The following PTGR1 variants were observed in gnomAD, a reference collection of about 807,000 sequenced individuals.
PTGR1 encodes 15-oxoprostaglandin 13-reductase.
In PTGR1, 23 loss-of-function variants were observed where a neutral mutation model predicts 37.7. The ratio of observed to expected loss-of-function variants is 0.61; its 90% CI spans 0.44 to 0.86. The LOEUF is 0.86. Among genes scored for constraint, PTGR1 ranks in the 40% least tolerant of loss-of-function variants. The probability of loss-of-function intolerance (pLI) is 0.00; values close to 1 mark genes in which losing one functional copy is unlikely to be tolerated. For synonymous variants in PTGR1, 134 were observed against 140.0 expected, an observed-to-expected ratio of 0.96 and a Z score of 0.30; for missense variants, 351 against 394.3, an observed-to-expected ratio of 0.89 and a Z score of 0.93.
At chr9:111,596,449 A>T (rs1829782302) in intron 2 of PTGR1, among the ~76,000 whole-genome samples, 1 of 151,906 alleles carries the variant, frequency 6.6e-6, no homozygotes, top group South Asian at 2.1e-4. Flanking sequence ...CCCCGTCTCT[A>T]CTAAAAATGC....
At position 111,562,912 on chromosome 9, in the gene PTGR1, A is replaced by T; in HGVS notation, c.*209T>A. 7.4e-7 allele frequency: 1 copy of T among 1,346,680 alleles called. No homozygotes were observed. The highest frequency in any genetic ancestry group is 9.6e-7 in the Non-Finnish European group (1 of 1,041,108). The allele number at this position is 1,346,680 out of a possible 1,614,324, so 83.4% of individuals were successfully genotyped here. A position where few individuals can be genotyped will look rare whatever the true frequency, so the allele number is the denominator to read the frequency against. ...CCACAACTCAGAAGAAGCTGTAGTG[A>T]ACAGTGAGGTGACTGGTTGTTGTTG... On this transcript the variant is annotated 3_prime_UTR_variant, in exon 10 of 10. Coordinates refer to ENST00000407693, the MANE Select transcript of PTGR1 (RefSeq NM_001146108.2).
downstream of PTGR1, among the ~76,000 whole-genome samples, chr9:111,561,110 T>TATATATAG (rs1457364862): frequency 9.4e-4 from 18 of 19,198 alleles, no homozygotes; most frequent in Admixed American, 1.2e-3. Flanking sequence ...TATATATATA[T>TATATATAG]AGAGAGAGAG....
intron 9 of PTGR1, among the ~76,000 whole-genome samples, chr9:111,568,426 C>CTGG (rs1458599962): frequency 5.9e-5 from 9 of 152,298 alleles, no homozygotes; most frequent in Admixed American, 3.3e-4. Flanking sequence ...TGTGGTCAGA[C>CTGG]TGGTTCTCTG....
At position 111,576,499 on chromosome 9, in the gene PTGR1, G is replaced by A. The variant is rs943869869; in HGVS notation, c.652-1657C>T. On this transcript the variant is annotated intron_variant, in intron 7 of 9. Coordinates refer to ENST00000407693, the MANE Select transcript of PTGR1 (RefSeq NM_001146108.2). ...CTGCAGTGCAGTTCAAGAGGCTCTG[G>A]TTCGGGGAAGAGCTGGATGGAGTAT... The A allele has an allele frequency of 2.5e-6, 4 of 1,572,692 alleles. No individual in the cohort carries two copies. The African/African-American group carries it at 5.4e-5, about 21-fold the overall frequency.
At chr9:111,569,697 G>A (rs1198801946) in intron 9 of PTGR1, among the ~76,000 whole-genome samples, 7 of 152,150 alleles carry the variant, frequency 4.6e-5, no homozygotes, top group African/African-American at 9.7e-5. Context: ...CCCAGGAGGC[G>A]GAGGTTGCCG....
rs570451196 is a variant in PTGR1, at chr9:111,589,100, A to G, written c.210-2935T>C. Among the ~76,000 whole-genome samples, 8 of 152,334 alleles carry G rather than the reference A, an allele frequency of 5.3e-5. No homozygotes were observed. The East Asian group carries it at 1.5e-3, about 29-fold the overall frequency. ...CTTCCACTTCCACCATCAATGTATG[A>G]GTGTATTATCTCCATTACTATTATA... On this transcript the variant is annotated intron_variant, in intron 4 of 9. Coordinates refer to ENST00000407693, the MANE Select transcript of PTGR1 (RefSeq NM_001146108.2).
At chr9:111,550,405 T>G (rs1827905398) in intron 9 of PTGR1, among the ~76,000 whole-genome samples, 1 of 152,216 alleles carries the variant, frequency 6.6e-6, no homozygotes, top group Non-Finnish European at 1.5e-5. Flanking sequence ...TTGTCCACCC[T>G]GGCTGCAGCA....
chr9:111,551,994 T>G (rs554707720), intron 9 of PTGR1, among the ~76,000 whole-genome samples: 86 of 152,364 alleles, frequency 5.6e-4, no homozygotes, highest in African/African-American at 2.0e-3. Flanking sequence ...CTGTTTTATT[T>G]GTATTATGAA....
At chr9:111,556,414 T>C (rs1046743054) in intron 9 of PTGR1, among the ~76,000 whole-genome samples, 5 of 152,238 alleles carry the variant, frequency 3.3e-5, no homozygotes, top group African/African-American at 1.2e-4. Context: ...AGCTCCACTG[T>C]GTAGGGGGCT....
chr9:111,565,334 A>G (rs985259915), intron 9 of PTGR1, among the ~76,000 whole-genome samples: 2 of 152,210 alleles, frequency 1.3e-5, no homozygotes, highest in Admixed American at 6.5e-5. Context: ...TCTAGCCTCC[A>G]GAACTGTGAG....
chr9:111,570,153 A>G lies in PTGR1; in HGVS notation c.817T>C (p.Tyr273His). The G allele has an allele frequency of 6.2e-7, 1 of 1,614,132 alleles. No homozygotes were observed. Among genetic ancestry groups the G allele is most frequent in the Admixed American group, 1.7e-5 (1 of 60,022 alleles). ...QELRMEAFVV[Y>H]RWQGDARQKA... is the part of the protein sequence containing the mutation. ...TGGCGGGCATCTCCTTGCCAGCGGT[A>G]GACGACAAAAGCTTCCATGCGAAGC... is the stretch of plus-strand genomic sequence containing the variant. Residue 273 changes from tyrosine (Y) to histidine (H), a missense_variant, in exon 9 of 10, where the codon TAC becomes CAC. By Grantham distance (83) the Tyr-to-His change is moderately conservative (BLOSUM62 2). Coordinates refer to ENST00000407693, the MANE Select transcript of PTGR1 (RefSeq NM_001146108.2).
chr9:111,553,442 A>G (rs1564604322), intron 9 of PTGR1, among the ~76,000 whole-genome samples: 1 of 152,198 alleles, frequency 6.6e-6, no homozygotes, highest in African/African-American at 2.4e-5. Flanking sequence ...TCTGATTTAC[A>G]TAGGTATCAC....
chr9:111,567,706 G>T (rs1828626095), intron 9 of PTGR1, among the ~76,000 whole-genome samples: 1 of 152,146 alleles, frequency 6.6e-6, no homozygotes. Context: ...CATAAGAACG[G>T]CAGGATTTGA....
intron 4 of PTGR1, among the ~76,000 whole-genome samples, chr9:111,587,069 C>T (rs1829454389): frequency 6.6e-6 from 1 of 152,178 alleles, no homozygotes; most frequent in South Asian, 2.1e-4. Context: ...CCTGCCTTGG[C>T]CTCCCAAAGT....
chr9:111,574,543 T>C lies in PTGR1; in HGVS notation c.760+191A>G, dbSNP rs1188174253. The C allele has an allele frequency of 1.0e-5, 4 of 381,030 alleles. No homozygotes were observed. The East Asian group carries it at 1.4e-4, about 14-fold the overall frequency. 23.6% of individuals were successfully genotyped at this position (381,030 alleles called of 1,614,324 possible). ...TTTGTATTTTTTGTAGAGACGGCAT[T>C]TTGCCATGTTGCCCAGGATGGTCTC... On this transcript the variant is annotated intron_variant, in intron 8 of 9. Transcript: ENST00000407693.
In PTGR1 at chr9:111,583,694, C is replaced by A. The variant is rs1554819197; in HGVS notation, c.378-105G>T. 4.7e-6 allele frequency: 4 copies of A among 846,044 alleles called. No individual in the cohort carries two copies. The African/African-American group carries it at 6.8e-5, about 14-fold the overall frequency. The allele number at this position is 846,044 out of a possible 1,614,324, so 52.4% of individuals were successfully genotyped here. A position where few individuals can be genotyped will look rare whatever the true frequency, so the allele number is the denominator to read the frequency against. ...TCTCAGTGGCCCAGTGCCATGGGTC[C>A]AAGTAAAAGACAAAAATATGGAAAT... On this transcript the variant is annotated intron_variant, in intron 5 of 9. Transcript: ENST00000407693.
chr9:111,589,038 C>G (rs1829526598), intron 4 of PTGR1, among the ~76,000 whole-genome samples: 1 of 152,192 alleles, frequency 6.6e-6, no homozygotes, highest in African/African-American at 2.4e-5. Flanking sequence ...CTGCATATTG[C>G]CAAATTCCCA....
chr9:111,592,689 T>C (rs1295819190), intron 4 of PTGR1: 2 of 474,574 alleles, frequency 4.2e-6, no homozygotes, highest in East Asian at 3.7e-5. Context: ...TTTTTTTTTT[T>C]TAGTAATTAA....
intron 9 of PTGR1, among the ~76,000 whole-genome samples, chr9:111,566,532 C>T (rs1197099961): frequency 3.3e-5 from 5 of 152,176 alleles, no homozygotes; most frequent in African/African-American, 1.2e-4. Context: ...TAAAATAATG[C>T]AACTTGATTG....
Sources: allele counts gnomAD v4.1 joint callset (sites outside exome capture counted in the v4.1 genomes callset), GRCh38; gene constraint gnomAD v4.1.1; transcripts MANE v1.5; gene names NCBI Gene and HGNC (gene_info 2026-07-23, HGNC 2026-07-21).